Variants in ALK observed in about 807,000 individuals in gnomAD.
ALK encodes ALK receptor tyrosine kinase, also known as ALK tyrosine kinase receptor.
A neutral mutation model predicts 163.1 loss-of-function variants in ALK; 74 were observed. The ratio of observed to expected loss-of-function variants is 0.45; its 90% confidence interval spans 0.38 to 0.55. ALK has a LOEUF of 0.55. ALK is among the 20% of genes least tolerant of loss of function. ALK has a pLI of 0.00. For synonymous variants in ALK, 960 were observed against 843.2 expected (o/e 1.14, Z -2.40); for missense variants, 2,063 against 2,105.3 (o/e 0.98, Z 0.39).
At chr2:29,387,378 T>C (rs1454213820) in intron 4 of ALK, among the ~76,000 whole-genome samples, 1 of 152,174 alleles carries the variant, frequency 6.6e-6, no homozygotes, top group Non-Finnish European at 1.5e-5. Context: ...TTTTGCAGAG[T>C]GCCTATATTA....
rs1441640593 is a variant in ALK at position 29,239,681 on chromosome 2, C to A, written c.2354G>T (p.Ser785Ile). Reference protein sequence around the residue: ...VGQQGEDACPSTNQLIQKVCI... With the variant: ...VGQQGEDACPITNQLIQKVCI... ...GAAACCCCTGCTCTGGGCACTTACA[C>A]TGGGGCAGGCGTCCTCTCCCTGCTG... Residue 785 changes from serine to isoleucine, a missense_variant and splice_region_variant, in exon 13 of 29, where the codon AGT becomes ATT. Ser to Ile is a moderately radical substitution (Grantham distance 142). Coordinates refer to ENST00000389048, the MANE Select transcript of ALK (RefSeq NM_004304.5). 1 of 1,613,848 alleles carries A rather than the reference C, an allele frequency of 6.2e-7. No individual in the cohort carries two copies. The highest frequency in any genetic ancestry group is 8.5e-7 in the Non-Finnish European group (1 of 1,180,016).
In ALK at chr2:29,785,912, T is replaced by TACACACAC. The variant is rs10524599; in HGVS notation, c.668-68223_668-68216dup. Among the ~76,000 whole-genome samples the TACACACAC allele has an allele frequency of 2.9e-4, 43 of 146,736 alleles. No individual in the cohort carries two copies. The South Asian group carries it at 3.1e-3, about 10-fold the overall frequency. Reference sequence around the variant, plus strand: ...ACATAGGGGGAAATGTTTTTGAGTATACACACACACACACACACACACACA... The same window carrying TACACACAC: ...ACATAGGGGGAAATGTTTTTGAGTATACACACACACACACACACACACACACACACACA... On this transcript the variant is annotated intron_variant, in intron 1 of 28. Transcript: ENST00000389048.
chr2:29,799,195 C>T (rs142025698), intron 1 of ALK, among the ~76,000 whole-genome samples: 1 of 152,302 alleles, frequency 6.6e-6, no homozygotes, highest in Non-Finnish European at 1.5e-5. Context: ...GCTTCTCTAT[C>T]ATTTGTTTCC....
At chr2:29,523,858 GTTTTTTTTTTTTTTTTT>G (rs58587837) in intron 4 of ALK, among the ~76,000 whole-genome samples, 4 of 110,950 alleles carry the variant, frequency 3.6e-5, no homozygotes, top group Admixed American at 9.9e-5. Context: ...GAAGCTGAAG[GTTTTTTTTTTTTTTTTT>G]TTTTTTTTTT....
chr2:29,865,882 G>C (rs1666422391), intron 1 of ALK, among the ~76,000 whole-genome samples: 1 of 152,228 alleles, frequency 6.6e-6, no homozygotes, highest in South Asian at 2.1e-4. Flanking sequence ...ACAGGAGTCA[G>C]GACTTGAAAC....
At chr2:29,575,582 C>G (rs762788680) in intron 3 of ALK, among the ~76,000 whole-genome samples, 2 of 152,222 alleles carry the variant, frequency 1.3e-5, no homozygotes, top group Non-Finnish European at 2.9e-5. Context: ...CTGGCTCTAG[C>G]ACACACCCAC....
At chr2:29,828,768 G>C (rs926192480) in intron 1 of ALK, among the ~76,000 whole-genome samples, 8 of 151,760 alleles carry the variant, frequency 5.3e-5, no homozygotes, top group African/African-American at 1.9e-4. Flanking sequence ...GATTCCTCAG[G>C]GATCTAGAAC....
At chr2:29,324,486 C>T (rs893188763) in intron 6 of ALK, among the ~76,000 whole-genome samples, 1 of 152,212 alleles carries the variant, frequency 6.6e-6, no homozygotes, top group Non-Finnish European at 1.5e-5. Flanking sequence ...TCTAGATTTT[C>T]TGTATTTTAC....
At chr2:29,521,476 GA>G in intron 4 of ALK, among the ~76,000 whole-genome samples, 1 of 151,796 alleles carries the variant, frequency 6.6e-6, no homozygotes, top group African/African-American at 2.4e-5. Context: ...TAGACTTTGT[GA>G]AGCCCTTTAA....
At chr2:29,266,214 C>T (rs1315809700) in intron 11 of ALK, among the ~76,000 whole-genome samples, 1 of 152,078 alleles carries the variant, frequency 6.6e-6, no homozygotes, top group Non-Finnish European at 1.5e-5. Context: ...TTTATTTCCC[C>T]CAAGGGGAGT....
At chr2:29,621,568 C>T (rs140586318) in intron 3 of ALK, among the ~76,000 whole-genome samples, 1 of 152,314 alleles carries the variant, frequency 6.6e-6, no homozygotes, top group Non-Finnish European at 1.5e-5. Flanking sequence ...GACAGTGGGA[C>T]AAAAGGTGAC....
At chr2:29,468,869 A>AAG (rs1200723688) in intron 4 of ALK, among the ~76,000 whole-genome samples, 3 of 150,848 alleles carry the variant, frequency 2.0e-5, no homozygotes, top group Non-Finnish European at 4.4e-5. Context: ...AAAAAAAAAA[A>AAG]AAAAAAAAAA....
intron 11 of ALK, among the ~76,000 whole-genome samples, chr2:29,269,388 G>A (rs556989180): frequency 5.9e-5 from 9 of 152,264 alleles, no homozygotes; most frequent in African/African-American, 1.9e-4. Context: ...GATGCTGACT[G>A]GCTCTCCAGC....
At chr2:29,321,828 T>G (rs1423157640) in intron 6 of ALK, among the ~76,000 whole-genome samples, 1 of 152,262 alleles carries the variant, frequency 6.6e-6, no homozygotes, top group Non-Finnish European at 1.5e-5. Context: ...GGCCTCTTTA[T>G]ATCATCAGTG....
intron 11 of ALK, among the ~76,000 whole-genome samples, chr2:29,251,719 A>T (rs1305540843): frequency 6.6e-6 from 1 of 152,190 alleles, no homozygotes; most frequent in Admixed American, 6.5e-5. Flanking sequence ...ACAGGTGCTC[A>T]ATCTGTGCTA....
In ALK at chr2:29,383,963, A is replaced by G. The variant is rs1402165871; in HGVS notation, c.1155-104T>C. ...TGTCCTTGCAGGGACTTCAGGACTCACATTCTTCATGGGCACCAAGAGATG... is the reference window on the plus strand; with the variant it reads ...TGTCCTTGCAGGGACTTCAGGACTCGCATTCTTCATGGGCACCAAGAGATG... On this transcript the variant is annotated intron_variant, in intron 4 of 28. Coordinates refer to ENST00000389048, the MANE Select transcript of ALK (RefSeq NM_004304.5). The G allele has an allele frequency of 4.2e-6, 6 of 1,445,518 alleles. No individual in the cohort carries two copies. The Admixed American group carries it at 1.0e-4, about 24-fold the overall frequency. The allele number at this position is 1,445,518 out of a possible 1,614,324, so 89.5% of individuals were successfully genotyped here. A position where few individuals can be genotyped will look rare whatever the true frequency, so the allele number is the denominator to read the frequency against.
At chr2:29,798,130 A>C (rs773907668) in intron 1 of ALK, among the ~76,000 whole-genome samples, 1 of 152,236 alleles carries the variant, frequency 6.6e-6, no homozygotes, top group Non-Finnish European at 1.5e-5. Context: ...AGTGTCCTTC[A>C]TTACATCAGC....
At chr2:29,362,535 G>A (rs766471062) in intron 5 of ALK, among the ~76,000 whole-genome samples, 4 of 152,194 alleles carry the variant, frequency 2.6e-5, no homozygotes, top group Non-Finnish European at 4.4e-5. Context: ...GGGAAGGAGA[G>A]TTTGGAGAGG....
chr2:29,695,835 G>C (rs878956094), intron 2 of ALK, among the ~76,000 whole-genome samples: 1 of 152,214 alleles, frequency 6.6e-6, no homozygotes, highest in Admixed American at 6.5e-5. Flanking sequence ...ACACCAGTTA[G>C]AATGGCGATC....
Sources: gnomAD v4.1 joint callset for allele counts (sites outside exome capture counted in the v4.1 genomes callset) on GRCh38, gnomAD v4.1.1 for gene constraint, MANE v1.5 for transcripts, NCBI Gene and HGNC (gene_info 2026-07-23, HGNC 2026-07-21) for gene names.